FAM133B: variants seen among roughly 807,000 people sequenced by gnomAD.
FAM133B encodes the protein protein FAM133B.
FAM133B carries 25 observed loss-of-function variants against 46.4 expected under a neutral mutation model. The observed-to-expected ratio is 0.54, with a 90% CI of 0.39 to 0.75. The LOEUF (loss-of-function observed/expected upper bound fraction) is 0.75. Among genes scored for constraint, FAM133B ranks in the 30% least tolerant of loss-of-function variants. FAM133B has a pLI of 0.00. For missense variants in FAM133B, 205 were observed against 277.6 expected (o/e 0.74, Z 1.86); for synonymous variants, 75 against 86.0 (o/e 0.87, Z 0.71).
At chr7:92,565,990 G>T in intron 10 of FAM133B, 24 bp downstream of exon 10, 1 of 1,612,628 alleles carries the variant, frequency 6.2e-7, no homozygotes, top group Non-Finnish European at 8.5e-7. Context: ...TCTATTGTCT[G>T]TAAAAACGTT....
chr7:92,585,828 C>T (rs1287644481), intron 1 of FAM133B, among the ~76,000 whole-genome samples: 4 of 152,002 alleles, frequency 2.6e-5, no homozygotes, highest in South Asian at 2.1e-4. Context: ...AATGTAACTG[C>T]GTAAACATTA....
intron 1 of FAM133B, among the ~76,000 whole-genome samples, chr7:92,582,912 GA>G (rs2076492326): frequency 6.6e-6 from 1 of 152,160 alleles, no homozygotes; most frequent in Admixed American, 6.5e-5. Context: ...GGCCACTGTG[GA>G]AAACAGTTTA....
At chr7:92,585,842 T>C (rs1795022777) in intron 1 of FAM133B, among the ~76,000 whole-genome samples, 1 of 152,216 alleles carries the variant, frequency 6.6e-6, no homozygotes, top group African/African-American at 2.4e-5. Flanking sequence ...AACATTATTA[T>C]AGTAATAAAG....
At chr7:92,565,819 C>A (rs1291139634) in intron 10 of FAM133B, 195 bp downstream of exon 10, 3 of 595,882 alleles carry the variant, frequency 5.0e-6, no homozygotes, top group Non-Finnish European at 8.9e-6. Context: ...ATGCTTGCTA[C>A]CAGGGTATTT....
chr7:92,579,152 T>A (rs116851597), intron 3 of FAM133B, 165 bp downstream of exon 3: 41,530 of 604,072 alleles, frequency 0.069, 1,730 homozygotes, highest in Non-Finnish European at 0.076. Context: ...ATTTTCTTTT[T>A]TTTAATGGAG....
intron 1 of FAM133B, chr7:92,589,841 G>C (rs1008633491): frequency 1.8e-5 from 3 of 170,370 alleles, no homozygotes; most frequent in Non-Finnish European, 3.7e-5. Flanking sequence ...ACTTGGGTGC[G>C]CAGGAGAGGG....
intron 1 of FAM133B, among the ~76,000 whole-genome samples, chr7:92,583,216 T>C (rs1017011929): frequency 6.6e-6 from 1 of 152,062 alleles, no homozygotes; most frequent in Non-Finnish European, 1.5e-5. Context: ...CTAAATGAAA[T>C]AAAACAAGAA....
intron 10 of FAM133B, 144 bp from the exon 11 acceptor site, chr7:92,562,512 A>C: frequency 3.4e-6 from 4 of 1,180,556 alleles, no homozygotes; most frequent in Non-Finnish European, 4.5e-6. Context: ...AAAAAGTCTC[A>C]ACAACCAGTA....
rs1456716666 is a variant in FAM133B, at chr7:92,569,934, T to C, written c.517-19A>G. The C allele has an allele frequency of 8.6e-7, 1 of 1,165,318 alleles. No homozygotes were observed. Among genetic ancestry groups the C allele is most frequent in the South Asian group, 2.2e-5 (1 of 45,842 alleles). The allele number at this position is 1,165,318 out of a possible 1,614,324, so 72.2% of individuals were successfully genotyped here. A position where few individuals can be genotyped will look rare whatever the true frequency, so the allele number is the denominator to read the frequency against. ...TAATATCCTATGAAAAATAAATACA[T>C]TTATCTTGACTCAGACATACTTTGT... On this transcript the variant is annotated intron_variant, in intron 8 of 10. Coordinates refer to ENST00000445716, the MANE Select transcript of FAM133B (RefSeq NM_152789.4).
intron 8 of FAM133B, among the ~76,000 whole-genome samples, chr7:92,573,033 A>G (rs1296387736): frequency 6.6e-6 from 1 of 152,176 alleles, no homozygotes; most frequent in Non-Finnish European, 1.5e-5. Flanking sequence ...TAATTAAAAA[A>G]AAAAGAAACT....
intron 9 of FAM133B, among the ~76,000 whole-genome samples, chr7:92,567,795 G>A (rs185522201): frequency 1.3e-5 from 2 of 151,414 alleles, no homozygotes; most frequent in African/African-American, 2.4e-5. Context: ...ACAAAGTCTC[G>A]CTCTGTTGCC....
intron 2 of FAM133B, among the ~76,000 whole-genome samples, chr7:92,580,976 G>C (rs1794850750): frequency 6.6e-6 from 1 of 152,162 alleles, no homozygotes; most frequent in African/African-American, 2.4e-5. Context: ...GGGCACTTGG[G>C]ATTCTGAAGT....
intron 10 of FAM133B, among the ~76,000 whole-genome samples, chr7:92,563,776 G>A (rs1794228515): frequency 6.6e-6 from 1 of 152,100 alleles, no homozygotes; most frequent in Non-Finnish European, 1.5e-5. Context: ...TTTTGCTTAG[G>A]TCAAAGAATC....
At chr7:92,575,624 C>A (rs1794669792) in intron 8 of FAM133B, 147 bp downstream of exon 8, 2 of 411,200 alleles carry the variant, frequency 4.9e-6, no homozygotes, top group African/African-American at 2.1e-5. Flanking sequence ...AATAATGAAT[C>A]CAAATTAAAA....
At position 92,577,658 on chromosome 7, in the gene FAM133B, A is replaced by T. The variant is rs1794740826; in HGVS notation, c.369T>A (p.Asp123Glu). ...AACCATTATAAGCAAACCTTACCTC[A>T]TCTTCAGAATCAGAAGAACTGCTGG... ...DSSSSSSDSE[D>E]EDKKQGKRRK... The change falls in exon 6 of 11, where the codon GAT becomes GAA. Residue 123 changes from aspartate (D) to glutamate (E), a missense_variant. Coordinates refer to ENST00000445716, the MANE Select transcript of FAM133B (RefSeq NM_152789.4). 4 of 1,579,700 alleles carry T rather than the reference A, an allele frequency of 2.5e-6. No individual in the cohort carries two copies. The highest frequency in any genetic ancestry group is 3.4e-6 in the Non-Finnish European group (4 of 1,161,388).
At chr7:92,582,235 C>T (rs537849418) in intron 1 of FAM133B, among the ~76,000 whole-genome samples, 23 of 140,804 alleles carry the variant, frequency 1.6e-4, no homozygotes, top group Non-Finnish European at 2.5e-4. Context: ...GGCGACAGAG[C>T]GACTCCCTCT....
At position 92,577,097 on chromosome 7, in the gene FAM133B, A is replaced by G; in HGVS notation, c.465+6T>C. On this transcript the variant is annotated splice_donor_region_variant and intron_variant, in intron 7 of 10. Transcript: ENST00000445716. Reference sequence around the variant, plus strand: ...ATCCAATATATTAATAATTTAAATAATTTACCTTACTGTCTGATTCAGTTT... The same window carrying G: ...ATCCAATATATTAATAATTTAAATAGTTTACCTTACTGTCTGATTCAGTTT... The G allele has an allele frequency of 1.4e-6, 2 of 1,430,264 alleles. No homozygotes were observed. Among genetic ancestry groups the G allele is most frequent in the Non-Finnish European group, 1.8e-6 (2 of 1,081,456 alleles). 88.6% of individuals were successfully genotyped at this position (1,430,264 alleles called of 1,614,324 possible).
chr7:92,571,028 A>C (rs1794512395), intron 8 of FAM133B, among the ~76,000 whole-genome samples: 2 of 152,322 alleles, frequency 1.3e-5, no homozygotes, highest in South Asian at 4.1e-4. Context: ...ACATTCACTA[A>C]AATGCCAGAA....
intron 10 of FAM133B, among the ~76,000 whole-genome samples, chr7:92,563,469 T>C (rs1175398577): frequency 1.3e-5 from 2 of 152,182 alleles, no homozygotes; most frequent in Non-Finnish European, 2.9e-5. Context: ...TTTTCTTCTA[T>C]CACAAAGACC....
Sources: allele counts gnomAD v4.1 joint callset (sites outside exome capture counted in the v4.1 genomes callset), GRCh38; gene constraint gnomAD v4.1.1; transcripts MANE v1.5; gene names NCBI Gene and HGNC (gene_info 2026-07-23, HGNC 2026-07-21).